The following ADAMTS3 variants were observed in gnomAD, a reference collection of about 807,000 sequenced individuals.
ADAMTS3 encodes the protein A disintegrin and metalloproteinase with thrombospondin motifs 3.
A neutral mutation model predicts 129.0 loss-of-function variants in ADAMTS3; 73 were observed. The ratio of observed to expected loss-of-function variants is 0.57; its 90% CI spans 0.47 to 0.69. The LOEUF (loss-of-function observed/expected upper bound fraction) is 0.69. ADAMTS3 is among the 30% of genes least tolerant of loss of function. The probability of loss-of-function intolerance (pLI) is 0.00; values close to 1 mark genes in which losing one functional copy is unlikely to be tolerated. For synonymous variants in ADAMTS3, 477 were observed against 510.8 expected (o/e 0.93, Z 0.89); for missense variants, 1,457 against 1,514.5 (o/e 0.96, Z 0.63).
At chr4:72,415,847 A>G (rs4694122) in intron 3 of ADAMTS3, among the ~76,000 whole-genome samples, 1 of 152,040 alleles carries the variant, frequency 6.6e-6, no homozygotes. Flanking sequence ...TTTCTACTTT[A>G]AACATCATAC....
intron 4 of ADAMTS3, among the ~76,000 whole-genome samples, chr4:72,371,146 G>A (rs1417794652): frequency 1.3e-5 from 2 of 151,906 alleles, no homozygotes; most frequent in Non-Finnish European, 2.9e-5. Context: ...CTGCCACAAG[G>A]AACCAACTCT....
chr4:72,531,245 G>A (rs965899420), intron 3 of ADAMTS3, among the ~76,000 whole-genome samples: 2 of 152,120 alleles, frequency 1.3e-5, no homozygotes, highest in African/African-American at 4.8e-5. Context: ...AAAATAAGAA[G>A]AGTCTAGGAT....
chr4:72,300,072 T>G (rs575224855), intron 17 of ADAMTS3, among the ~76,000 whole-genome samples: 10 of 152,260 alleles, frequency 6.6e-5, no homozygotes, highest in Admixed American at 5.2e-4. Context: ...TCAGTGGGGG[T>G]AGAGGATCTG....
intron 3 of ADAMTS3, among the ~76,000 whole-genome samples, chr4:72,440,651 T>C (rs1360824053): frequency 2.0e-5 from 3 of 151,748 alleles, no homozygotes; most frequent in Non-Finnish European, 2.9e-5. Flanking sequence ...TGAGAGCTTA[T>C]ATTCTCACAT....
rs1722081426 is a variant in ADAMTS3, at chr4:72,568,579, A to G, written c.69+115T>C. 26 of 824,334 alleles carry G rather than the reference A, an allele frequency of 3.2e-5. No individual in the cohort carries two copies. In the East Asian group the frequency reaches 5.6e-4, roughly 18 times the overall value. 51.1% of individuals were successfully genotyped at this position (824,334 alleles called of 1,614,324 possible). ...AAAACACCGTTTCTGAACGCAAAAG[A>G]TAACAGGGAAGGGTGGGAGGAGAAG... is the stretch of plus-strand genomic sequence containing the variant. On this transcript the variant is annotated intron_variant, in intron 1 of 21. Transcript: ENST00000286657.
intron 2 of ADAMTS3, among the ~76,000 whole-genome samples, chr4:72,551,413 G>T (rs988417386): frequency 6.6e-6 from 1 of 151,946 alleles, no homozygotes; most frequent in Admixed American, 6.6e-5. Flanking sequence ...AATATGAATG[G>T]TATGTTTCTA....
intron 3 of ADAMTS3, among the ~76,000 whole-genome samples, chr4:72,535,865 C>A (rs1721173751): frequency 6.6e-6 from 1 of 152,126 alleles, no homozygotes; most frequent in African/African-American, 2.4e-5. Flanking sequence ...TGCCATAAAA[C>A]CCTTTACCTT....
At chr4:72,346,200 C>A (rs941237301) in intron 4 of ADAMTS3, among the ~76,000 whole-genome samples, 7 of 152,082 alleles carry the variant, frequency 4.6e-5, no homozygotes, top group African/African-American at 1.7e-4. Flanking sequence ...AGGTAAAAAC[C>A]TTTCCTAGAA....
chr4:72,464,975 T>C (rs1230857388), intron 3 of ADAMTS3, among the ~76,000 whole-genome samples: 1 of 152,030 alleles, frequency 6.6e-6, no homozygotes, highest in African/African-American at 2.4e-5. Flanking sequence ...TGCCAAGCAC[T>C]CCATCCAGGT....
chr4:72,336,956 T>C (rs7690415), intron 5 of ADAMTS3, among the ~76,000 whole-genome samples: 5,643 of 152,020 alleles, frequency 0.037, 347 homozygotes, highest in African/African-American at 0.13. Context: ...GAACCACTGA[T>C]TTAGAATAAT....
At position 72,420,542 on chromosome 4, in the gene ADAMTS3, G is replaced by A. The variant is rs534966400; in HGVS notation, c.505-5571C>T. The stretch of plus-strand genomic sequence containing the variant: ...GTTTCCACTGCACTTACTGTCCTCC[G>A]ACACACTCGATCACTTAACTGCCTA... On this transcript the variant is annotated intron_variant, in intron 3 of 21. Coordinates refer to ENST00000286657, the MANE Select transcript of ADAMTS3 (RefSeq NM_014243.3). Among the ~76,000 whole-genome samples the A allele has an allele frequency of 5.2e-4, 79 of 152,150 alleles. 1 individual carries two copies. The highest frequency in any genetic ancestry group is 3.4e-3 in the Middle Eastern group (1 of 294).
At chr4:72,483,823 C>T (rs1245618886) in intron 3 of ADAMTS3, among the ~76,000 whole-genome samples, 1 of 151,992 alleles carries the variant, frequency 6.6e-6, no homozygotes, top group Non-Finnish European at 1.5e-5. Context: ...TTGAGACCAT[C>T]CTGACTAACA....
In ADAMTS3 at chr4:72,319,819, G is replaced by T. The variant is rs772896728; in HGVS notation, c.1208+39C>A. 1.6e-5 allele frequency: 24 copies of T among 1,479,900 alleles called. No individual in the cohort carries two copies. In the East Asian group the frequency reaches 1.8e-4, roughly 11 times the overall value. 91.7% of individuals were successfully genotyped at this position (1,479,900 alleles called of 1,614,324 possible). On this transcript the variant is annotated intron_variant, in intron 8 of 21. Transcript: ENST00000286657. ...ATACTGGGAGAAGCAGGAAAGAAAA[G>T]ATCTTTTTTTGGCTTTATAGCTGTC...
At chr4:72,517,901 C>G (rs1263287505) in intron 3 of ADAMTS3, among the ~76,000 whole-genome samples, 6 of 150,878 alleles carry the variant, frequency 4.0e-5, no homozygotes, top group African/African-American at 1.2e-4. Context: ...TTTGCTCTTG[C>G]TTTTCTAGTT....
chr4:72,422,881 C>T (rs1347476799), intron 3 of ADAMTS3, among the ~76,000 whole-genome samples: 3 of 152,054 alleles, frequency 2.0e-5, no homozygotes, highest in South Asian at 2.1e-4. Flanking sequence ...CAAAGTCCTA[C>T]AAGAAATGTA....
At chr4:72,309,163 C>G (rs181476609) in intron 15 of ADAMTS3, among the ~76,000 whole-genome samples, 1 of 151,088 alleles carries the variant, frequency 6.6e-6, no homozygotes, top group East Asian at 1.9e-4. Flanking sequence ...TTACTTGTTT[C>G]TTTTCTAAAT....
intron 19 of ADAMTS3, 32 bp downstream of exon 19, chr4:72,295,622 C>A: frequency 6.3e-7 from 1 of 1,582,416 alleles, no homozygotes. Context: ...TGATTTTGAC[C>A]TCCAGATATG....
At chr4:72,532,768 T>C (rs1005181771) in intron 3 of ADAMTS3, among the ~76,000 whole-genome samples, 29 of 152,128 alleles carry the variant, frequency 1.9e-4, no homozygotes, top group African/African-American at 6.5e-4. Flanking sequence ...CTGAATATTA[T>C]AGGAAACTGT....
intron 4 of ADAMTS3, among the ~76,000 whole-genome samples, chr4:72,384,744 A>G (rs1721390983): frequency 6.6e-6 from 1 of 152,230 alleles, no homozygotes; most frequent in Non-Finnish European, 1.5e-5. Context: ...AACATCAAAA[A>G]GACCAATATG....
Sources: allele counts gnomAD v4.1 joint callset (sites outside exome capture counted in the v4.1 genomes callset), GRCh38; gene constraint gnomAD v4.1.1; transcripts MANE v1.5; gene names NCBI Gene and HGNC (gene_info 2026-07-23, HGNC 2026-07-21).